Variants in ABCB9 observed in about 807,000 individuals in gnomAD.
ABCB9 encodes ATP binding cassette subfamily B member 9.
In ABCB9, 36 loss-of-function variants were observed where a neutral mutation model predicts 62.0. The observed-to-expected ratio is 0.58, with a 90% CI of 0.45 to 0.77. The LOEUF is 0.77. ABCB9 is among the 30% of genes least tolerant of loss of function. The pLI, the probability that ABCB9 is intolerant of heterozygous loss-of-function variation, is 0.00. For missense variants in ABCB9, 943 were observed against 1,054.7 expected (o/e 0.89, Z 1.47); for synonymous variants, 435 against 461.4 (o/e 0.94, Z 0.73).
At chr12:122,946,000 G>T in intron 6 of ABCB9, 25 bp downstream of exon 6, 1 of 1,610,634 alleles carries the variant, frequency 6.2e-7, no homozygotes. Context: ...TCCACAGCCA[G>T]AGCTGCCTGG....
At chr12:122,950,808 G>A (rs1296753568) in intron 2 of ABCB9, 3 of 462,112 alleles carry the variant, frequency 6.5e-6, no homozygotes, top group Non-Finnish European at 1.2e-5. Context: ...TATTTATAGT[G>A]GCTACCAGGC....
downstream of ABCB9, among the ~76,000 whole-genome samples, chr12:122,926,221 T>C (rs1171081504): frequency 6.6e-6 from 1 of 152,172 alleles, no homozygotes; most frequent in African/African-American, 2.4e-5. Context: ...AGTTTTATAT[T>C]GTCTGCATGT....
chr12:122,958,169 C>CAAAAAAA (rs34917345), intron 2 of ABCB9, among the ~76,000 whole-genome samples: 8 of 72,194 alleles, frequency 1.1e-4, no homozygotes, highest in Admixed American at 3.7e-4. Flanking sequence ...GACTCCATCT[C>CAAAAAAA]AAAAAAAAAA....
chr12:122,924,416 G>T (rs1273492329), downstream of ABCB9: 2 of 267,644 alleles, frequency 7.5e-6, no homozygotes, highest in Non-Finnish European at 1.4e-5. Context: ...CCAGGCTGCA[G>T]TGCAGTGGCA....
chr12:122,966,013 A>G (rs932180674), intron 1 of ABCB9, among the ~76,000 whole-genome samples: 1 of 152,204 alleles, frequency 6.6e-6, no homozygotes, highest in Non-Finnish European at 1.5e-5. Context: ...AGGATCCTCC[A>G]ACACCTCCCA....
At chr12:122,971,517 T>G (rs2037270844) in intron 1 of ABCB9, among the ~76,000 whole-genome samples, 1 of 152,128 alleles carries the variant, frequency 6.6e-6, no homozygotes, top group African/African-American at 2.4e-5. Flanking sequence ...TTCAGCAGCA[T>G]GACCTCTGCC....
intron 3 of ABCB9, 98 bp from the exon 4 acceptor site, chr12:122,950,016 C>T (rs1235762899): frequency 2.0e-6 from 3 of 1,526,558 alleles, no homozygotes; most frequent in African/African-American, 1.4e-5. Context: ...GGGAGCCCCA[C>T]CGCAGCCCCA....
chr12:122,963,300 CG>C (rs2037010387), intron 1 of ABCB9, among the ~76,000 whole-genome samples: 1 of 152,038 alleles, frequency 6.6e-6, no homozygotes, highest in Non-Finnish European at 1.5e-5. Flanking sequence ...AAAATGCTAC[CG>C]GGAAGTGTTC....
downstream of ABCB9, chr12:122,920,943 T>TGA: frequency 1.5e-6 from 2 of 1,379,156 alleles, no homozygotes; most frequent in Non-Finnish European, 2.0e-6. Context: ...GCGCATAGAC[T>TGA]CGTGTTTGCT....
intron 9 of ABCB9, among the ~76,000 whole-genome samples, chr12:122,937,321 A>G (rs1394093558): frequency 6.6e-6 from 1 of 151,796 alleles, no homozygotes; most frequent in Non-Finnish European, 1.5e-5. Context: ...ATCATGCCAC[A>G]GCACTCTAGC....
chr12:122,957,192 C>T (rs573819307), intron 2 of ABCB9, among the ~76,000 whole-genome samples: 8 of 152,174 alleles, frequency 5.3e-5, no homozygotes, highest in Admixed American at 3.9e-4. Flanking sequence ...AGGCAAGTAC[C>T]ACCATGCCCA....
chr12:122,959,533 T>A lies in ABCB9; in HGVS notation c.601+102A>T, dbSNP rs2036778582. 6.7e-7 allele frequency: 1 copy of A among 1,493,582 alleles called. No homozygotes were observed. Among genetic ancestry groups the A allele is most frequent in the African/African-American group, 1.4e-5 (1 of 71,244 alleles). 92.5% of individuals were successfully genotyped at this position (1,493,582 alleles called of 1,614,324 possible). A position where few individuals can be genotyped will look rare whatever the true frequency, so the allele number is the denominator to read the frequency against. Reference sequence around the variant, plus strand: ...GCCTCTTTTCCTTTTCATATCAATTTGATGTCTGAACCACGTAAGTAAAAT... The same window carrying A: ...GCCTCTTTTCCTTTTCATATCAATTAGATGTCTGAACCACGTAAGTAAAAT... On this transcript the variant is annotated intron_variant, in intron 2 of 11. Coordinates refer to ENST00000280560, the MANE Select transcript of ABCB9 (RefSeq NM_019625.4). The surrounding 1 kb of genome is among the most constrained non-coding windows in gnomAD (Gnocchi z 5.4).
At position 122,964,412 on chromosome 12, in the gene ABCB9, G is replaced by T. The variant is rs1438189414; in HGVS notation, c.-88+1875C>A. 6.6e-6 allele frequency among the ~76,000 whole-genome samples: 1 copy of T among 152,254 alleles called. No homozygotes were observed. Among genetic ancestry groups the T allele is most frequent in the Non-Finnish European group, 1.5e-5 (1 of 68,040 alleles). On this transcript the variant is annotated intron_variant, in intron 1 of 11. Coordinates refer to ENST00000280560, the MANE Select transcript of ABCB9 (RefSeq NM_019625.4). This position sits in a 1 kb window ranked among gnomAD's most constrained non-coding sequence, Gnocchi z 4.7. ...AGATGGGGAAACTGAGGCCCACAGA[G>T]GGAGGGGGTGAGGCTTGTCTCAGGT... is the stretch of plus-strand genomic sequence containing the variant.
At chr12:122,972,405 G>A (rs1358467437) in intron 1 of ABCB9, among the ~76,000 whole-genome samples, 1 of 152,234 alleles carries the variant, frequency 6.6e-6, no homozygotes, top group Admixed American at 6.5e-5. Context: ...CAAGGGAATA[G>A]AAAGCAGTCG....
upstream of ABCB9, among the ~76,000 whole-genome samples, chr12:122,968,566 A>G (rs564713425): frequency 6.6e-6 from 1 of 150,866 alleles, no homozygotes; most frequent in Non-Finnish European, 1.5e-5. Flanking sequence ...ATCACATGCT[A>G]TTTCTTCACA....
chr12:122,955,264 C>T lies in ABCB9; in HGVS notation c.601+4371G>A, dbSNP rs528918981. On this transcript the variant is annotated intron_variant, in intron 2 of 11. Coordinates refer to ENST00000280560, the MANE Select transcript of ABCB9 (RefSeq NM_019625.4). The stretch of plus-strand genomic sequence containing the variant: ...GTCGGGAGCCTGAGCCTCGAGTCTG[C>T]GCCCTGACTCTTGATGCAATCCTGC... Among the ~76,000 whole-genome samples the T allele has an allele frequency of 1.4e-4, 21 of 152,308 alleles. No individual in the cohort carries two copies. In the East Asian group the frequency reaches 1.7e-3, roughly 13 times the overall value.
chr12:122,920,583 CTTG>C (rs1428773117), downstream of ABCB9, among the ~76,000 whole-genome samples: 1 of 152,006 alleles, frequency 6.6e-6, no homozygotes, highest in Admixed American at 6.6e-5. Context: ...GCTTCATAGA[CTTG>C]TTGTGAGGAT....
In ABCB9 at chr12:122,929,370, A is replaced by T. The variant is rs2035018656; in HGVS notation, c.*541T>A. The T allele has an allele frequency of 7.1e-6, 7 of 985,830 alleles. No individual in the cohort carries two copies. The highest frequency in any genetic ancestry group is 8.4e-6 in the Non-Finnish European group (7 of 829,990). 61.1% of individuals were successfully genotyped at this position (985,830 alleles called of 1,614,324 possible). ...CACGCTCCCTACCCGCCCTGGCCAG[A>T]CTCACAGAGCTGGCAAGAGGGAGAG... On this transcript the variant is annotated 3_prime_UTR_variant, in exon 12 of 12. Transcript: ENST00000280560. This position sits in a 1 kb window ranked among gnomAD's most constrained non-coding sequence, Gnocchi z 6.0.
In ABCB9 at chr12:122,966,453, G is replaced by C. The variant is rs2037181198; in HGVS notation, c.-254C>G. 6.6e-6 allele frequency: 1 copy of C among 152,380 alleles called. No homozygotes were observed. Among genetic ancestry groups the C allele is most frequent in the African/African-American group, 2.4e-5 (1 of 41,460 alleles). The allele number at this position is 152,380 out of a possible 1,614,324, so 9.4% of individuals were successfully genotyped here. A position where few individuals can be genotyped will look rare whatever the true frequency, so the allele number is the denominator to read the frequency against. Reference sequence around the variant, plus strand: ...CCCGCGCTGCGCCGCTGCAAGGTCGGAGCTGAGACTGGCGTGCGTTGAGAC... The same window carrying C: ...CCCGCGCTGCGCCGCTGCAAGGTCGCAGCTGAGACTGGCGTGCGTTGAGAC... On this transcript the variant is annotated 5_prime_UTR_variant, in exon 1 of 12. Transcript: ENST00000280560.
Sources: allele counts gnomAD v4.1 joint callset (sites outside exome capture counted in the v4.1 genomes callset), GRCh38; gene constraint gnomAD v4.1.1; non-coding constraint Gnocchi (gnomAD v3.1); transcripts MANE v1.5; gene names NCBI Gene and HGNC (gene_info 2026-07-23, HGNC 2026-07-21).